Variants in PDLIM5 observed in about 807,000 individuals in gnomAD.
The protein encoded by PDLIM5 is PDZ and LIM domain 5, also known as PDZ and LIM domain protein 5.
In PDLIM5, 34 loss-of-function variants were observed where a neutral mutation model predicts 64.2. That is an observed-to-expected ratio of 0.53 (90% confidence interval 0.40 to 0.71). The LOEUF is 0.71. Among genes scored for constraint, PDLIM5 ranks in the 30% least tolerant of loss-of-function variants. The pLI, the probability that PDLIM5 is intolerant of heterozygous loss-of-function variation, is 0.00. For synonymous variants in PDLIM5, 253 were observed against 269.1 expected, an observed-to-expected ratio of 0.94 and a Z score of 0.59; for missense variants, 683 against 733.6, an observed-to-expected ratio of 0.93 and a Z score of 0.80.
chr4:94,460,767 G>A (rs1242364103), intron 2 of PDLIM5, among the ~76,000 whole-genome samples: 1 of 152,170 alleles, frequency 6.6e-6, no homozygotes, highest in African/African-American at 2.4e-5. Context: ...ATGTACAGCT[G>A]TATATTGGAA....
intron 5 of PDLIM5, among the ~76,000 whole-genome samples, chr4:94,584,001 T>C (rs917191354): frequency 6.6e-6 from 1 of 152,250 alleles, no homozygotes. Context: ...AAGCCAGTGT[T>C]ACTAACTGTA....
intron 3 of PDLIM5, among the ~76,000 whole-genome samples, chr4:94,528,272 G>A (rs1004040359): frequency 1.3e-5 from 2 of 151,924 alleles, no homozygotes; most frequent in Non-Finnish European, 1.5e-5. Context: ...TCCTACTATC[G>A]CACCTCACTC....
intron 6 of PDLIM5, 46 bp downstream of exon 6, chr4:94,585,783 C>G: frequency 6.7e-7 from 1 of 1,495,066 alleles, no homozygotes; most frequent in Non-Finnish European, 9.3e-7. Context: ...TTTTTTTGCC[C>G]CAGAGAGTGG....
chr4:94,620,847 G>A (rs529717447), intron 8 of PDLIM5, among the ~76,000 whole-genome samples: 2 of 151,920 alleles, frequency 1.3e-5, no homozygotes, highest in South Asian at 4.2e-4. Flanking sequence ...CACGAGGTCA[G>A]GAGATCGAGA....
rs1268233780 is a variant in PDLIM5, at chr4:94,657,763, A to G, written c.1585+216A>G. Among the ~76,000 whole-genome samples the G allele has an allele frequency of 4.6e-5, 7 of 152,062 alleles. No individual in the cohort carries two copies. In the South Asian group the frequency reaches 8.3e-4, roughly 18 times the overall value. ...CCCTTGTTGCCCAGACTGCAGTGCA[A>G]TGGCCCAATCTCGGCTCACTGCAGC... On this transcript the variant is annotated intron_variant, in intron 11 of 12. Transcript: ENST00000317968.
intron 8 of PDLIM5, among the ~76,000 whole-genome samples, chr4:94,632,065 C>T (rs891514727): frequency 1.3e-5 from 2 of 152,152 alleles, no homozygotes; most frequent in East Asian, 1.9e-4. Flanking sequence ...TAGCGCCTGC[C>T]GCATTACAGG....
intron 8 of PDLIM5, among the ~76,000 whole-genome samples, chr4:94,624,046 C>A (rs996445606): frequency 6.6e-6 from 1 of 151,808 alleles, no homozygotes; most frequent in Non-Finnish European, 1.5e-5. Context: ...CACTGTGGCT[C>A]ACACCTGTAA....
chr4:94,611,151 C>G, intron 7 of PDLIM5: 1 of 1,534,636 alleles, frequency 6.5e-7, no homozygotes, highest in Non-Finnish European at 8.7e-7. Flanking sequence ...TTTTTCCTAT[C>G]TGCAGTCCTC....
At chr4:94,579,952 G>T (rs539736563) in intron 5 of PDLIM5, among the ~76,000 whole-genome samples, 1 of 152,266 alleles carries the variant, frequency 6.6e-6, no homozygotes, top group East Asian at 1.9e-4. Flanking sequence ...GAACCTTTAT[G>T]ATTTTTCTAG....
At chr4:94,599,512 T>A (rs974223981) in intron 7 of PDLIM5, among the ~76,000 whole-genome samples, 1 of 152,182 alleles carries the variant, frequency 6.6e-6, no homozygotes, top group Non-Finnish European at 1.5e-5. Flanking sequence ...TCAGACATGT[T>A]GTACTTGTTG....
intron 2 of PDLIM5, among the ~76,000 whole-genome samples, chr4:94,520,170 A>C (rs573021496): frequency 1.3e-5 from 2 of 152,212 alleles, no homozygotes; most frequent in Non-Finnish European, 2.9e-5. Flanking sequence ...GTGAGACCAC[A>C]AAGTAATGTT....
chr4:94,586,884 A>G, intron 7 of PDLIM5: 1 of 1,051,358 alleles, frequency 9.5e-7, no homozygotes, highest in Non-Finnish European at 1.3e-6. Flanking sequence ...AAGCTTTTAT[A>G]AGGCATGTTT....
At chr4:94,575,059 G>C (rs1468454354) in intron 4 of PDLIM5, among the ~76,000 whole-genome samples, 1 of 149,450 alleles carries the variant, frequency 6.7e-6, no homozygotes, top group Non-Finnish European at 1.5e-5. Context: ...TGAGTTAGGT[G>C]AAAATTATCT....
intron 7 of PDLIM5, among the ~76,000 whole-genome samples, chr4:94,594,045 G>A (rs944289692): frequency 1.3e-5 from 2 of 152,006 alleles, no homozygotes; most frequent in African/African-American, 4.8e-5. Context: ...TTACAGCGTG[G>A]CACACACTAT....
At chr4:94,485,092 A>G (rs1315869107) in intron 2 of PDLIM5, among the ~76,000 whole-genome samples, 1 of 152,176 alleles carries the variant, frequency 6.6e-6, no homozygotes, top group Non-Finnish European at 1.5e-5. Context: ...TGGGAAGGAA[A>G]GGAGGGGAAG....
rs145897744 is a variant in PDLIM5, at chr4:94,573,229, G to A, written c.249-122G>A. ...TAGTAAAAACTATGAATTATGAAAC[G>A]ATACATTCCAGTGATTCAGTATATT... On this transcript the variant is annotated intron_variant, in intron 3 of 12. Coordinates refer to ENST00000317968, the MANE Select transcript of PDLIM5 (RefSeq NM_006457.5). 1.0e-4 allele frequency: 70 copies of A among 697,118 alleles called. No homozygotes were observed. The African/African-American group carries it at 1.1e-3, about 11-fold the overall frequency. 43.2% of individuals were successfully genotyped at this position (697,118 alleles called of 1,614,324 possible). A position where few individuals can be genotyped will look rare whatever the true frequency, so the allele number is the denominator to read the frequency against.
intron 2 of PDLIM5, among the ~76,000 whole-genome samples, chr4:94,467,314 G>GTTTTTT (rs1173951811): frequency 7.2e-6 from 1 of 138,048 alleles, no homozygotes; most frequent in Non-Finnish European, 1.6e-5. Context: ...ACTGAGGAAA[G>GTTTTTT]TTTTTTTTTT....
intron 6 of PDLIM5, among the ~76,000 whole-genome samples, chr4:94,586,051 T>G (rs1736167324): frequency 6.6e-6 from 1 of 152,046 alleles, no homozygotes; most frequent in Non-Finnish European, 1.5e-5. Flanking sequence ...CCACCTGTAA[T>G]CCCAGCTACT....
chr4:94,506,071 G>T (rs1728367771), intron 2 of PDLIM5, among the ~76,000 whole-genome samples: 1 of 152,184 alleles, frequency 6.6e-6, no homozygotes, highest in African/African-American at 2.4e-5. Context: ...GCATACAAAA[G>T]ACACTTCTAT....
Sources: gnomAD v4.1 joint callset for allele counts (sites outside exome capture counted in the v4.1 genomes callset) on GRCh38, gnomAD v4.1.1 for gene constraint, MANE v1.5 for transcripts, NCBI Gene and HGNC (gene_info 2026-07-23, HGNC 2026-07-21) for gene names.